Variants in APBA1 observed in about 807,000 individuals in gnomAD.
APBA1 encodes amyloid-beta A4 precursor protein-binding family A member 1.
A neutral mutation model predicts 86.6 loss-of-function variants in APBA1; 55 were observed. The ratio of observed to expected loss-of-function variants is 0.64; its 90% CI spans 0.51 to 0.80. The LOEUF (loss-of-function observed/expected upper bound fraction) is 0.80. Among genes scored for constraint, APBA1 ranks in the 30% least tolerant of loss-of-function variants. The probability of loss-of-function intolerance (pLI) is 0.00; values close to 1 mark genes in which losing one functional copy is unlikely to be tolerated. For synonymous variants in APBA1, 511 were observed against 493.9 expected, an observed-to-expected ratio of 1.03 and a Z score of -0.46; for missense variants, 1,090 against 1,183.0, an observed-to-expected ratio of 0.92 and a Z score of 1.15.
intron 1 of APBA1, among the ~76,000 whole-genome samples, chr9:69,600,989 T>C (rs1322393952): frequency 6.6e-6 from 1 of 152,020 alleles, no homozygotes; most frequent in Non-Finnish European, 1.5e-5. Flanking sequence ...GTAGTAGTAA[T>C]AAAGCTTATA....
At chr9:69,456,027 T>C (rs1219913493) in intron 8 of APBA1, among the ~76,000 whole-genome samples, 1 of 152,182 alleles carries the variant, frequency 6.6e-6, no homozygotes, top group Non-Finnish European at 1.5e-5. Context: ...CAATTTTACA[T>C]TAAGTATATT....
At chr9:69,543,844 G>A (rs1836657193) in intron 1 of APBA1, among the ~76,000 whole-genome samples, 1 of 152,162 alleles carries the variant, frequency 6.6e-6, no homozygotes, top group Non-Finnish European at 1.5e-5. Flanking sequence ...AAATTTCCCT[G>A]CTTAACCTAA....
At chr9:69,522,990 G>A (rs901688934) in intron 1 of APBA1, among the ~76,000 whole-genome samples, 1 of 152,188 alleles carries the variant, frequency 6.6e-6, no homozygotes, top group South Asian at 2.1e-4. Flanking sequence ...CAGGATGAGG[G>A]TCTCCACGTT....
intron 1 of APBA1, among the ~76,000 whole-genome samples, chr9:69,563,487 CA>C (rs1425170882): frequency 6.6e-6 from 1 of 152,076 alleles, no homozygotes; most frequent in East Asian, 1.9e-4. Flanking sequence ...CCTTTGAATT[CA>C]AAAGCATAAA....
chr9:69,485,319 A>G (rs1469581123), intron 2 of APBA1, among the ~76,000 whole-genome samples: 1 of 152,072 alleles, frequency 6.6e-6, no homozygotes, highest in Non-Finnish European at 1.5e-5. Context: ...AAGCCTAAAC[A>G]ATGGTGTTAG....
At chr9:69,596,453 G>T (rs1822231850) in intron 1 of APBA1, among the ~76,000 whole-genome samples, 1 of 152,170 alleles carries the variant, frequency 6.6e-6, no homozygotes, top group South Asian at 2.1e-4. Flanking sequence ...CATGGCGAAT[G>T]AACAAGATAT....
intron 1 of APBA1, among the ~76,000 whole-genome samples, chr9:69,592,659 G>A (rs372134242): frequency 8.4e-4 from 128 of 152,274 alleles, no homozygotes; most frequent in African/African-American, 2.9e-3. Context: ...ATAAATGACA[G>A]TCTTTCCTAT....
intron 1 of APBA1, among the ~76,000 whole-genome samples, chr9:69,646,164 G>T (rs1823386538): frequency 6.6e-6 from 1 of 151,924 alleles, no homozygotes; most frequent in African/African-American, 2.4e-5. Context: ...TTTTTATAGA[G>T]GCAGGCTACA....
chr9:69,564,128 C>T (rs1166803319), intron 1 of APBA1, among the ~76,000 whole-genome samples: 1 of 151,524 alleles, frequency 6.6e-6, no homozygotes, highest in Non-Finnish European at 1.5e-5. Context: ...ATAAGCACCT[C>T]TCGGTTTCAG....
chr9:69,439,473 C>CAAGAAA (rs2133790816), intron 11 of APBA1, among the ~76,000 whole-genome samples: 1 of 150,042 alleles, frequency 6.7e-6, no homozygotes. Context: ...GGCTTTGTTC[C>CAAGAAA]TATCTATCTA....
At chr9:69,602,635 C>A (rs1822376578) in intron 1 of APBA1, among the ~76,000 whole-genome samples, 2 of 151,986 alleles carry the variant, frequency 1.3e-5, no homozygotes, top group South Asian at 4.2e-4. Context: ...CACTCTCATT[C>A]TTCTATCTTC....
chr9:69,659,912 GTTCCT>G (rs1227363745), intron 1 of APBA1, among the ~76,000 whole-genome samples: 2 of 152,144 alleles, frequency 1.3e-5, no homozygotes, highest in Non-Finnish European at 2.9e-5. Context: ...TGACTTAATT[GTTCCT>G]TTCCTTAACA....
chr9:69,566,948 G>A (rs1837036142), intron 1 of APBA1, among the ~76,000 whole-genome samples: 1 of 152,086 alleles, frequency 6.6e-6, no homozygotes, highest in African/African-American at 2.4e-5. Flanking sequence ...CTGAAACTCT[G>A]TTCATGTTAT....
chr9:69,449,158 A>C (rs1427417764), intron 10 of APBA1, among the ~76,000 whole-genome samples: 8 of 152,104 alleles, frequency 5.3e-5, no homozygotes, highest in Non-Finnish European at 1.0e-4. Context: ...AGGAAAAAGC[A>C]CTCTCAGATT....
At chr9:69,525,552 A>C (rs1836329202) in intron 1 of APBA1, among the ~76,000 whole-genome samples, 1 of 150,908 alleles carries the variant, frequency 6.6e-6, no homozygotes, top group Non-Finnish European at 1.5e-5. Context: ...CTCTACAAGG[A>C]GAACTATAAG....
chr9:69,542,629 GGTAAATAGCAAGGAGT>G (rs1836632038), intron 1 of APBA1, among the ~76,000 whole-genome samples: 1 of 152,176 alleles, frequency 6.6e-6, no homozygotes, highest in Non-Finnish European at 1.5e-5. Flanking sequence ...AACTCATTTG[GGTAAATAGCAAGGAGT>G]GTGATTGTTA....
At chr9:69,436,060 T>C (rs1322210749) in intron 11 of APBA1, among the ~76,000 whole-genome samples, 1 of 151,240 alleles carries the variant, frequency 6.6e-6, no homozygotes, top group East Asian at 1.9e-4. Context: ...TGCTTGTTTT[T>C]CTCAGGTTTG....
At chr9:69,456,090 T>C (rs1835091345) in intron 8 of APBA1, among the ~76,000 whole-genome samples, 157 bp downstream of exon 8, 1 of 152,204 alleles carries the variant, frequency 6.6e-6, no homozygotes, top group Non-Finnish European at 1.5e-5. Context: ...ACCCTGTCTG[T>C]TTTACTCAGC....
chr9:69,448,038 A>G (rs1442914435), intron 10 of APBA1, among the ~76,000 whole-genome samples: 1 of 151,690 alleles, frequency 6.6e-6, no homozygotes, highest in Non-Finnish European at 1.5e-5. Context: ...TCTCCATGCA[A>G]TCACAGCAAC....
Sources: allele counts gnomAD v4.1 joint callset (sites outside exome capture counted in the v4.1 genomes callset), GRCh38; gene constraint gnomAD v4.1.1; transcripts MANE v1.5; gene names NCBI Gene and HGNC (gene_info 2026-07-23, HGNC 2026-07-21).